AOAH: variants seen among roughly 807,000 people sequenced by gnomAD.
The protein encoded by AOAH is acyloxyacyl hydrolase (neutrophil).
AOAH carries 64 observed loss-of-function variants against 92.2 expected under a neutral mutation model. The ratio of observed to expected loss-of-function variants is 0.69; its 90% CI spans 0.57 to 0.86. The LOEUF (loss-of-function observed/expected upper bound fraction) is 0.86, where lower values mean the gene tolerates loss of function less well. Among genes scored for constraint, AOAH ranks in the 40% least tolerant of loss-of-function variants. The pLI is 0.00. For synonymous variants in AOAH, 263 were observed against 254.5 expected (o/e 1.03, Z -0.32); for missense variants, 656 against 694.6 (o/e 0.94, Z 0.62).
chr7:36,638,855 T>C (rs998645642), intron 4 of AOAH, among the ~76,000 whole-genome samples: 7 of 152,220 alleles, frequency 4.6e-5, no homozygotes, highest in Non-Finnish European at 1.0e-4. Context: ...TGTATGTTTC[T>C]TAAAATATTG....
chr7:36,675,875 T>TA (rs200347370), intron 2 of AOAH, among the ~76,000 whole-genome samples: 15 of 151,732 alleles, frequency 9.9e-5, no homozygotes, highest in South Asian at 8.3e-4. Flanking sequence ...ATCAACAACA[T>TA]AAAAAAAACC....
At chr7:36,706,762 C>T (rs1798443001) in intron 1 of AOAH, among the ~76,000 whole-genome samples, 1 of 152,178 alleles carries the variant, frequency 6.6e-6, no homozygotes, top group Non-Finnish European at 1.5e-5. Flanking sequence ...CTTCACCTTG[C>T]ACTTTTATGT....
At chr7:36,697,073 A>G (rs1053968518) in intron 1 of AOAH, among the ~76,000 whole-genome samples, 2 of 152,062 alleles carry the variant, frequency 1.3e-5, no homozygotes, top group Admixed American at 6.6e-5. Flanking sequence ...CTTGAGTACA[A>G]TGTTGACTAG....
Position 36,588,816 on chromosome 7 carries a change from C to T in AOAH, c.938+5523G>A, listed in dbSNP as rs180974690. Reference sequence around the variant, plus strand: ...ATGCCCCTGAAGAGCATTATTGTACCACTTATAACAATGGCTTTGTCTGAG... The same window carrying T: ...ATGCCCCTGAAGAGCATTATTGTACTACTTATAACAATGGCTTTGTCTGAG... On this transcript the variant is annotated intron_variant, in intron 12 of 20. Transcript: ENST00000617537. 1.2e-4 allele frequency among the ~76,000 whole-genome samples: 19 copies of T among 152,282 alleles called. No homozygotes were observed. The East Asian group carries it at 3.7e-3, about 29-fold the overall frequency.
Position 36,682,288 on chromosome 7 carries a change from C to A in AOAH, c.223+4411G>T, listed in dbSNP as rs550072299. Among the ~76,000 whole-genome samples, 3 of 151,062 alleles carry A rather than the reference C, an allele frequency of 2.0e-5. No homozygotes were observed. The East Asian group carries it at 5.8e-4, about 29-fold the overall frequency. ...AAACAGTCAGAAAAATCTCAGAAAG[C>A]AAGCTGCCACAATTTTTTTTTAACA... On this transcript the variant is annotated intron_variant, in intron 2 of 20. Coordinates refer to ENST00000617537, the MANE Select transcript of AOAH (RefSeq NM_001637.4).
chr7:36,517,212 T>TTCTGTCTCTCTCTCTCTC (rs1474223898), intron 20 of AOAH, among the ~76,000 whole-genome samples: 1 of 21,120 alleles, frequency 4.7e-5, no homozygotes, highest in Non-Finnish European at 1.3e-4. Flanking sequence ...CTTTCTTTCT[T>TTCTGTCTCTCTCTCTCTC]TCTCTTTCTT....
intron 20 of AOAH, among the ~76,000 whole-genome samples, chr7:36,518,409 C>T (rs1240843739): frequency 1.3e-5 from 2 of 152,106 alleles, no homozygotes; most frequent in Non-Finnish European, 2.9e-5. Context: ...TAATTCAGTG[C>T]ATGGTATGCC....
At chr7:36,587,738 A>T (rs1374225870) in intron 12 of AOAH, among the ~76,000 whole-genome samples, 1 of 152,214 alleles carries the variant, frequency 6.6e-6, no homozygotes, top group Non-Finnish European at 1.5e-5. Context: ...TCAAAATTCA[A>T]ATATTTTCTT....
intron 1 of AOAH, among the ~76,000 whole-genome samples, chr7:36,702,909 T>C (rs898809879): frequency 1.3e-5 from 2 of 152,166 alleles, no homozygotes; most frequent in Admixed American, 1.3e-4. Flanking sequence ...AGTAGAACTT[T>C]TCAAAATTGG....
At chr7:36,626,192 G>A (rs1053396421) in intron 6 of AOAH, among the ~76,000 whole-genome samples, 7 of 152,184 alleles carry the variant, frequency 4.6e-5, no homozygotes, top group Non-Finnish European at 2.9e-5. Flanking sequence ...GAGAGAGAGA[G>A]AGAAAGAGAC....
At chr7:36,526,814 T>G (rs903292558) in intron 19 of AOAH, among the ~76,000 whole-genome samples, 1 of 152,232 alleles carries the variant, frequency 6.6e-6, no homozygotes, top group African/African-American at 2.4e-5. Flanking sequence ...CACTGTTTGA[T>G]GAACAGCAAC....
chr7:36,708,372 T>C (rs1798559492), intron 1 of AOAH, among the ~76,000 whole-genome samples: 1 of 152,186 alleles, frequency 6.6e-6, no homozygotes, highest in Admixed American at 6.5e-5. Flanking sequence ...GATTTTTAAG[T>C]CTAGTATTTC....
At chr7:36,678,615 G>GCA (rs1241428446) in intron 2 of AOAH, among the ~76,000 whole-genome samples, 4 of 138,336 alleles carry the variant, frequency 2.9e-5, no homozygotes, top group Admixed American at 1.5e-4. Flanking sequence ...GCGCGCGCGC[G>GCA]TTAGAATTCT....
intron 1 of AOAH, among the ~76,000 whole-genome samples, chr7:36,702,421 G>C (rs1798085437): frequency 6.6e-6 from 1 of 152,078 alleles, no homozygotes; most frequent in South Asian, 2.1e-4. Context: ...TCTGAATAAT[G>C]TTTTAACTGA....
chr7:36,574,188 G>C (rs1788331198), intron 13 of AOAH, among the ~76,000 whole-genome samples: 1 of 152,176 alleles, frequency 6.6e-6, no homozygotes, highest in Admixed American at 6.6e-5. Context: ...GTCGAGGATA[G>C]TAATACTAGA....
intron 4 of AOAH, among the ~76,000 whole-genome samples, chr7:36,642,593 T>A (rs1186313439): frequency 6.6e-6 from 1 of 152,196 alleles, no homozygotes; most frequent in East Asian, 1.9e-4. Flanking sequence ...CAGGGTGATT[T>A]TTGTTCTCGA....
At chr7:36,602,846 A>G (rs555786463) in intron 11 of AOAH, among the ~76,000 whole-genome samples, 2 of 152,326 alleles carry the variant, frequency 1.3e-5, no homozygotes, top group Admixed American at 1.3e-4. Flanking sequence ...CCTGCTCACC[A>G]GGACTGACCT....
At chr7:36,559,773 A>C (rs1309557498) in intron 13 of AOAH, among the ~76,000 whole-genome samples, 3 of 152,088 alleles carry the variant, frequency 2.0e-5, no homozygotes, top group African/African-American at 7.2e-5. Context: ...TTTTTGTTGC[A>C]ATTGCTTTTG....
intron 13 of AOAH, among the ~76,000 whole-genome samples, chr7:36,572,112 A>G (rs1788181907): frequency 6.6e-6 from 1 of 152,202 alleles, no homozygotes; most frequent in South Asian, 2.1e-4. Flanking sequence ...GATCACATGT[A>G]CCCTGAAGAT....
Sources: allele counts gnomAD v4.1 joint callset (sites outside exome capture counted in the v4.1 genomes callset), GRCh38; gene constraint gnomAD v4.1.1; transcripts MANE v1.5; gene names NCBI Gene and HGNC (gene_info 2026-07-23, HGNC 2026-07-21).